Variants in SAMD4A observed in about 807,000 individuals in gnomAD.
SAMD4A encodes sterile alpha motif domain containing 4A.
In SAMD4A, 33 loss-of-function variants were observed where a neutral mutation model predicts 81.3. That is an observed-to-expected ratio of 0.41 (90% CI 0.31 to 0.54). The LOEUF is 0.54. Among genes scored for constraint, SAMD4A ranks in the 20% least tolerant of loss-of-function variants. SAMD4A has a pLI of 0.37. For synonymous variants in SAMD4A, 389 were observed against 382.1 expected, an observed-to-expected ratio of 1.02 and a Z score of -0.21; for missense variants, 854 against 951.1, an observed-to-expected ratio of 0.90 and a Z score of 1.34.
intron 2 of SAMD4A, among the ~76,000 whole-genome samples, chr14:54,634,285 C>CG (rs374282158): frequency 2.4e-3 from 83 of 34,554 alleles, no homozygotes; most frequent in African/African-American, 9.5e-3. Context: ...GACTCCATCT[C>CG]GGGGGGGTGG....
At chr14:54,577,065 A>G (rs1431759445) in intron 2 of SAMD4A, among the ~76,000 whole-genome samples, 1 of 152,204 alleles carries the variant, frequency 6.6e-6, no homozygotes, top group Non-Finnish European at 1.5e-5. Flanking sequence ...ACAAGCCTGC[A>G]TTATCAAGCT....
chr14:54,613,968 A>G (rs2140277035), intron 2 of SAMD4A, among the ~76,000 whole-genome samples: 1 of 152,348 alleles, frequency 6.6e-6, no homozygotes, highest in South Asian at 2.1e-4. Context: ...AGAAACGACC[A>G]GTTGTCAAGT....
intron 4 of SAMD4A, among the ~76,000 whole-genome samples, chr14:54,743,823 T>C (rs1164612742): frequency 6.6e-6 from 1 of 152,198 alleles, no homozygotes; most frequent in Non-Finnish European, 1.5e-5. Flanking sequence ...CCAATCCTGC[T>C]CTCTTTTGCA....
chr14:54,716,189 CT>C (rs1313612790), intron 3 of SAMD4A, among the ~76,000 whole-genome samples: 1 of 152,184 alleles, frequency 6.6e-6, no homozygotes, highest in Non-Finnish European at 1.5e-5. Flanking sequence ...GGACACTCAG[CT>C]TTTGCCCTGT....
intron 2 of SAMD4A, among the ~76,000 whole-genome samples, chr14:54,641,349 T>C (rs2035169223): frequency 6.6e-6 from 1 of 152,228 alleles, no homozygotes; most frequent in Non-Finnish European, 1.5e-5. Context: ...ACCTGTACTT[T>C]TGGTGCTATG....
chr14:54,726,681 A>G (rs2140888087), intron 3 of SAMD4A, among the ~76,000 whole-genome samples: 1 of 152,252 alleles, frequency 6.6e-6, no homozygotes, highest in Non-Finnish European at 1.5e-5. Context: ...TAAAGCCACC[A>G]AGGTGCATCT....
At chr14:54,725,188 C>T (rs1444462589) in intron 3 of SAMD4A, among the ~76,000 whole-genome samples, 2 of 152,156 alleles carry the variant, frequency 1.3e-5, no homozygotes, top group Non-Finnish European at 2.9e-5. Context: ...AATGGAGGTA[C>T]TTAGAATCTT....
At chr14:54,777,695 G>A (rs1297620386) in intron 11 of SAMD4A, among the ~76,000 whole-genome samples, 1 of 152,064 alleles carries the variant, frequency 6.6e-6, no homozygotes, top group African/African-American at 2.4e-5. Flanking sequence ...GCTGGAATTG[G>A]GAGGTCAGGG....
chr14:54,713,771 T>G (rs2037051216), intron 3 of SAMD4A, among the ~76,000 whole-genome samples: 1 of 149,854 alleles, frequency 6.7e-6, no homozygotes, highest in African/African-American at 2.5e-5. Flanking sequence ...GGGAATTAAT[T>G]ATAAGGCTGT....
chr14:54,588,168 C>G (rs1260851533), intron 2 of SAMD4A, among the ~76,000 whole-genome samples: 4 of 151,948 alleles, frequency 2.6e-5, no homozygotes, highest in Non-Finnish European at 5.9e-5. Context: ...CTAGTTTAAG[C>G]CTGTAAAGGT....
At chr14:54,574,989 G>A (rs968784329) in intron 2 of SAMD4A, among the ~76,000 whole-genome samples, 1 of 152,148 alleles carries the variant, frequency 6.6e-6, no homozygotes, top group Non-Finnish European at 1.5e-5. Flanking sequence ...AATGAAAGGT[G>A]CAGAAATGAA....
chr14:54,581,151 G>C (rs903801256), intron 2 of SAMD4A, among the ~76,000 whole-genome samples: 2 of 152,216 alleles, frequency 1.3e-5, no homozygotes, highest in East Asian at 3.8e-4. Flanking sequence ...GTGAAATGGA[G>C]TTACCACTAC....
At chr14:54,719,067 C>T (rs942770432) in intron 3 of SAMD4A, among the ~76,000 whole-genome samples, 31 of 152,142 alleles carry the variant, frequency 2.0e-4, no homozygotes, top group African/African-American at 6.7e-4. Context: ...GAACGCCTTT[C>T]CCCATTCCCC....
chr14:54,785,452 C>T (rs2139988684), intron 12 of SAMD4A, among the ~76,000 whole-genome samples: 1 of 152,354 alleles, frequency 6.6e-6, no homozygotes, highest in Non-Finnish European at 1.5e-5. Flanking sequence ...CATTTCCTGC[C>T]AGCTTCCTGG....
intron 8 of SAMD4A, among the ~76,000 whole-genome samples, chr14:54,768,324 C>G (rs538255822): frequency 6.6e-6 from 1 of 152,158 alleles, no homozygotes; most frequent in Non-Finnish European, 1.5e-5. Context: ...TTATTAAGAG[C>G]GAGGCACGTT....
intron 2 of SAMD4A, among the ~76,000 whole-genome samples, chr14:54,635,367 G>A (rs2035010799): frequency 6.6e-6 from 1 of 151,974 alleles, no homozygotes; most frequent in Non-Finnish European, 1.5e-5. Flanking sequence ...GGAGGTTGCA[G>A]TGAGCTGAGA....
chr14:54,618,570 T>G (rs888053750), intron 2 of SAMD4A, among the ~76,000 whole-genome samples: 13 of 152,226 alleles, frequency 8.5e-5, no homozygotes, highest in Admixed American at 8.5e-4. Flanking sequence ...CTGAAGAATT[T>G]AAGTCAAGTT....
At chr14:54,606,431 C>T (rs941966043) in intron 2 of SAMD4A, among the ~76,000 whole-genome samples, 2 of 152,176 alleles carry the variant, frequency 1.3e-5, no homozygotes, top group African/African-American at 4.8e-5. Context: ...GCTTCCGACA[C>T]GTCCTTTGTG....
chr14:54,623,116 G>A (rs8013201), intron 2 of SAMD4A, among the ~76,000 whole-genome samples: 93,899 of 151,998 alleles, frequency 0.62, 29,090 homozygotes, highest in East Asian at 0.87. Flanking sequence ...GGTTCTGCCA[G>A]TGTATCCCCC....
Sources: allele counts gnomAD v4.1 joint callset (sites outside exome capture counted in the v4.1 genomes callset), GRCh38; gene constraint gnomAD v4.1.1; transcripts MANE v1.5; gene names NCBI Gene and HGNC (gene_info 2026-07-23, HGNC 2026-07-21).